GPHN: variants seen among roughly 807,000 people sequenced by gnomAD.
The protein encoded by GPHN is gephyrin.
In GPHN, 17 loss-of-function variants were observed where a neutral mutation model predicts 95.5. The ratio of observed to expected loss-of-function variants is 0.18; its 90% CI spans 0.12 to 0.27. GPHN has a LOEUF of 0.27. GPHN is among the 10% of genes least tolerant of loss of function. The pLI, the probability that GPHN is intolerant of heterozygous loss-of-function variation, is 1.00. For missense variants in GPHN, 660 were observed against 978.1 expected, an observed-to-expected ratio of 0.67 and a Z score of 4.34; for synonymous variants, 320 against 322.5, an observed-to-expected ratio of 0.99 and a Z score of 0.08.
At chr14:67,714,172 G>A in the GPHN span, among the ~76,000 whole-genome samples, 58 of 152,146 alleles carry the variant, frequency 3.8e-4, 1 homozygote, top group African/African-American at 1.1e-3. Context: ...GTCTTGCTCC[G>A]TCTCCCAGGC....
At chr14:67,124,258 T>C (rs2079173190) in intron 17 of GPHN, among the ~76,000 whole-genome samples, 1 of 152,004 alleles carries the variant, frequency 6.6e-6, no homozygotes. Context: ...ATATGAAAAT[T>C]AGCTGGGGGT....
At chr14:67,667,058 G>T in the GPHN span, among the ~76,000 whole-genome samples, 2 of 152,104 alleles carry the variant, frequency 1.3e-5, no homozygotes, top group Non-Finnish European at 2.9e-5. Context: ...CACCCCACAA[G>T]CCTGCCCAAA....
intron 2 of GPHN, among the ~76,000 whole-genome samples, chr14:66,735,510 AC>A (rs1425424613): frequency 1.3e-5 from 2 of 152,158 alleles, no homozygotes; most frequent in Admixed American, 6.5e-5. Flanking sequence ...ATATGTTTTT[AC>A]TTTCAATTTG....
intron 1 of GPHN, among the ~76,000 whole-genome samples, chr14:66,592,976 C>G (rs965414680): frequency 2.6e-5 from 4 of 152,108 alleles, no homozygotes; most frequent in African/African-American, 9.7e-5. Context: ...GCCATAAAAA[C>G]GATGAGTTCA....
the GPHN span, among the ~76,000 whole-genome samples, chr14:67,229,661 A>C: frequency 6.6e-6 from 1 of 152,230 alleles, no homozygotes; most frequent in Non-Finnish European, 1.5e-5. Context: ...TGAGAAAAAA[A>C]GAATGTAAAA....
the GPHN span, chr14:67,376,624 GAT>G: frequency 3.3e-5 from 53 of 1,599,094 alleles, no homozygotes; most frequent in Non-Finnish European, 4.4e-5. Flanking sequence ...CTTCTACCTT[GAT>G]ATCACAACTC....
the GPHN span, among the ~76,000 whole-genome samples, chr14:67,532,023 C>A: frequency 6.6e-6 from 1 of 151,922 alleles, no homozygotes. Flanking sequence ...AAGTGGATAG[C>A]CTGAGCATTG....
intron 3 of GPHN, among the ~76,000 whole-genome samples, chr14:66,814,974 A>C (rs533968181): frequency 1.3e-5 from 2 of 152,196 alleles, no homozygotes; most frequent in African/African-American, 4.8e-5. Flanking sequence ...CATAACCAAC[A>C]TGATAGAGCT....
At chr14:67,618,207 C>T in the GPHN span, among the ~76,000 whole-genome samples, 6 of 152,176 alleles carry the variant, frequency 3.9e-5, no homozygotes, top group African/African-American at 1.2e-4. Flanking sequence ...TCCCTGACCA[C>T]GCCCCCACCC....
the GPHN span, among the ~76,000 whole-genome samples, chr14:67,702,658 A>T: frequency 7.2e-5 from 11 of 152,228 alleles, no homozygotes; most frequent in African/African-American, 2.7e-4. Flanking sequence ...AGTCATGTGA[A>T]CTTGGAAAAC....
chr14:66,533,104 G>A (rs1343433844), intron 1 of GPHN, among the ~76,000 whole-genome samples: 3 of 152,142 alleles, frequency 2.0e-5, no homozygotes, highest in Non-Finnish European at 4.4e-5. Flanking sequence ...TTAATAATTT[G>A]TTAATTAATA....
At chr14:67,496,421 T>TTTTTTTTG in the GPHN span, among the ~76,000 whole-genome samples, 1 of 117,498 alleles carries the variant, frequency 8.5e-6, no homozygotes, top group South Asian at 2.6e-4. Context: ...TTTTTTTTTT[T>TTTTTTTTG]GAGACAGGGT....
the GPHN span, among the ~76,000 whole-genome samples, chr14:67,284,371 G>A: frequency 1.4e-5 from 2 of 147,518 alleles, no homozygotes; most frequent in South Asian, 2.2e-4. Flanking sequence ...GCCAAGGCAG[G>A]AGGATCTCTT....
the GPHN span, chr14:67,473,639 C>G: frequency 1.9e-6 from 3 of 1,582,706 alleles, no homozygotes; most frequent in South Asian, 2.3e-5. The surrounding 1 kb of genome is among the most constrained non-coding windows in gnomAD (Gnocchi z 6.5). Context: ...TGAACTGGCG[C>G]AGGATGAAGC....
chr14:67,586,742 A>C, the GPHN span: 5 of 1,219,982 alleles, frequency 4.1e-6, no homozygotes, highest in Non-Finnish European at 5.3e-6. Flanking sequence ...TCCTCCTTTA[A>C]TACCACCCCT....
chr14:67,568,775 C>T, the GPHN span, among the ~76,000 whole-genome samples: 394 of 152,128 alleles, frequency 2.6e-3, 5 homozygotes, highest in African/African-American at 9.1e-3. Context: ...GTCTCTAAAA[C>T]GGGTAGGATT....
chr14:67,507,029 G>A, the GPHN span, among the ~76,000 whole-genome samples: 1 of 151,994 alleles, frequency 6.6e-6, no homozygotes, highest in African/African-American at 2.4e-5. Context: ...TGTTCAAAGG[G>A]AACTGAAGAT....
At chr14:67,500,215 C>A in the GPHN span, among the ~76,000 whole-genome samples, 2 of 152,026 alleles carry the variant, frequency 1.3e-5, no homozygotes, top group Admixed American at 1.3e-4. Context: ...GTGGCTTATA[C>A]CTGTAATCCC....
the GPHN span, among the ~76,000 whole-genome samples, chr14:67,327,616 T>C: frequency 1.3e-5 from 2 of 152,138 alleles, no homozygotes; most frequent in African/African-American, 4.8e-5. Flanking sequence ...ATTAGGTATA[T>C]CTCCTAATGC....
Sources: allele counts gnomAD v4.1 joint callset (sites outside exome capture counted in the v4.1 genomes callset), GRCh38; gene constraint gnomAD v4.1.1; non-coding constraint Gnocchi (gnomAD v3.1); transcripts MANE v1.5; gene names NCBI Gene and HGNC (gene_info 2026-07-23, HGNC 2026-07-21).